The following KIAA0586 variants were observed in gnomAD, a reference collection of about 807,000 sequenced individuals.
KIAA0586 encodes protein TALPID3.
Under a neutral mutation model 169.8 loss-of-function variants are expected in KIAA0586, and 144 were observed. The observed-to-expected ratio is 0.85, with a 90% CI of 0.74 to 0.97. The LOEUF (loss-of-function observed/expected upper bound fraction) is 0.97. Ranked by LOEUF, KIAA0586 falls within the 50% of genes least tolerant of loss-of-function variation. KIAA0586 has a pLI of 0.00. For missense variants in KIAA0586, 1,854 were observed against 1,823.0 expected (o/e 1.02, Z -0.31); for synonymous variants, 625 against 612.4 (o/e 1.02, Z -0.30).
intron 21 of KIAA0586, 106 bp downstream of exon 21, chr14:58,482,818 T>C (rs1181030953): frequency 2.4e-6 from 2 of 818,608 alleles, no homozygotes; most frequent in Middle Eastern, 2.6e-4. Context: ...TTATCATTTT[T>C]AGAGACATGG....
intron 19 of KIAA0586, among the ~76,000 whole-genome samples, chr14:58,476,667 A>ATTTT (rs2041650790): frequency 2.1e-5 from 1 of 48,748 alleles, no homozygotes. Context: ...CTTCAGAGGT[A>ATTTT]CTTTTTTTTT....
chr14:58,531,182 C>T (rs557015586), intron 29 of KIAA0586, among the ~76,000 whole-genome samples: 69 of 151,114 alleles, frequency 4.6e-4, no homozygotes, highest in African/African-American at 1.6e-3. Flanking sequence ...AAAAAATTAG[C>T]CGGGCATGGT....
intron 30 of KIAA0586, 97 bp from the exon 31 acceptor site, chr14:58,547,684 G>GGCCCCC: frequency 8.4e-6 from 8 of 946,958 alleles, no homozygotes; most frequent in Admixed American, 2.2e-5. Context: ...TGGAATCCGC[G>GGCCCCC]CCCCCCCACC....
At chr14:58,525,194 G>C (rs577512472) in intron 29 of KIAA0586, among the ~76,000 whole-genome samples, 24 of 152,100 alleles carry the variant, frequency 1.6e-4, no homozygotes, top group African/African-American at 5.5e-4. Flanking sequence ...GATAAATTAA[G>C]TTTCAACAAA....
At chr14:58,524,411 A>G (rs1292312961) in intron 29 of KIAA0586, among the ~76,000 whole-genome samples, 1 of 152,200 alleles carries the variant, frequency 6.6e-6, no homozygotes, top group Non-Finnish European at 1.5e-5. Flanking sequence ...CTCCGGGAGT[A>G]TTTATTAATA....
chr14:58,553,207 T>G (rs1157183428), downstream of KIAA0586, among the ~76,000 whole-genome samples: 2 of 152,200 alleles, frequency 1.3e-5, no homozygotes, highest in East Asian at 1.9e-4. Flanking sequence ...AGTCTAGAGA[T>G]ATTTGTGGTA....
intron 29 of KIAA0586, among the ~76,000 whole-genome samples, chr14:58,525,726 C>T (rs557277225): frequency 4.6e-5 from 7 of 152,264 alleles, no homozygotes; most frequent in East Asian, 1.9e-4. Flanking sequence ...TTGCTCCCCT[C>T]GAAACAGGGC....
rs1325303478 is a variant in KIAA0586 at position 58,484,959 on chromosome 14, A to C, written c.3145-2048A>C. Among the ~76,000 whole-genome samples, 5 of 45,562 alleles carry C rather than the reference A, an allele frequency of 1.1e-4. No homozygotes were observed. The South Asian group carries it at 4.5e-3, about 41-fold the overall frequency. 29.9% of individuals were successfully genotyped at this position (45,562 alleles called of 152,430 possible). On this transcript the variant is annotated intron_variant, in intron 21 of 30. Transcript: ENST00000652326. ...TTTTTTTTTTTTTTTTTTGAGATGG[A>C]GTTTTGCTCATGTCGCCCAGGCTGG...
chr14:58,561,521 G>A, the KIAA0586 span, among the ~76,000 whole-genome samples: 1 of 152,128 alleles, frequency 6.6e-6, no homozygotes, highest in Non-Finnish European at 1.5e-5. Context: ...AACAAGATAA[G>A]AGAACATCTA....
intron 27 of KIAA0586, among the ~76,000 whole-genome samples, chr14:58,500,805 G>T (rs2043517174): frequency 6.6e-6 from 1 of 152,044 alleles, no homozygotes; most frequent in Non-Finnish European, 1.5e-5. Flanking sequence ...CAAAAAAAAG[G>T]GGATGAAATC....
rs900689279 is a variant in KIAA0586 at position 58,461,150 on chromosome 14, A to T, written c.2049A>T (p.Glu683Asp). Reference sequence around the variant, plus strand: ...GACCACAGAGACCAAAAGTAATAGAACGAGTTAAAGGTAAGGAATCTCATT... The same window carrying T: ...GACCACAGAGACCAAAAGTAATAGATCGAGTTAAAGGTAAGGAATCTCATT... Reference protein sequence around the residue: ...KSRPQRPKVIERVKGTKVKSI... With the variant: ...KSRPQRPKVIDRVKGTKVKSI... The change falls in exon 14 of 31, where the codon GAA becomes GAT. Residue 683 changes from glutamate to aspartate, a missense_variant. Transcript: ENST00000652326. The T allele has an allele frequency of 3.8e-6, 6 of 1,580,796 alleles. No individual in the cohort carries two copies. The highest frequency in any genetic ancestry group is 5.1e-6 in the Non-Finnish European group (6 of 1,166,650).
intron 8 of KIAA0586, among the ~76,000 whole-genome samples, chr14:58,452,897 G>T (rs1211264057): frequency 2.0e-5 from 3 of 151,062 alleles, no homozygotes; most frequent in African/African-American, 7.3e-5. Flanking sequence ...GGCCTAAATT[G>T]TAGGCTACTT....
At chr14:58,553,288 T>C (rs1304418771), downstream of KIAA0586, among the ~76,000 whole-genome samples, 1 of 152,138 alleles carries the variant, frequency 6.6e-6, no homozygotes, top group African/African-American at 2.4e-5. Context: ...TAAGCAGAGG[T>C]ATTCCTATGA....
chr14:58,557,008 G>A, the KIAA0586 span, among the ~76,000 whole-genome samples: 2 of 152,204 alleles, frequency 1.3e-5, no homozygotes, highest in South Asian at 2.1e-4. Flanking sequence ...GCCTCCCAAA[G>A]TGCTGGGATT....
intron 8 of KIAA0586, 139 bp from the exon 9 acceptor site, chr14:58,453,211 G>A (rs1038312289): frequency 3.2e-5 from 14 of 436,782 alleles, no homozygotes; most frequent in African/African-American, 1.1e-4. Flanking sequence ...GAGCCACTGC[G>A]CCTGGCTTTT....
chr14:58,538,989 A>C (rs2046473310), intron 29 of KIAA0586, among the ~76,000 whole-genome samples: 1 of 152,166 alleles, frequency 6.6e-6, no homozygotes. Context: ...CATTTTGCCC[A>C]GGCTGGTCTT....
rs2045633953 is a variant in KIAA0586 at position 58,527,001 on chromosome 14, A to G, written c.4430-13070A>G. ...CTAACTAGAATCACCAGTTTAGAGA[A>G]GAACATAAATGACCTGATGGAGCTG... On this transcript the variant is annotated intron_variant, in intron 29 of 30. Coordinates refer to ENST00000652326, the MANE Select transcript of KIAA0586 (RefSeq NM_001329943.3). Among the ~76,000 whole-genome samples the G allele has an allele frequency of 2.0e-5, 3 of 152,156 alleles. No homozygotes were observed. The South Asian group carries it at 6.2e-4, about 32-fold the overall frequency.
upstream of KIAA0586, chr14:58,427,520 A>G (rs2140364356): frequency 6.9e-7 from 1 of 1,450,132 alleles, no homozygotes; most frequent in African/African-American, 1.4e-5. Flanking sequence ...TTGTGCGGCA[A>G]TGTGCTACCT....
At position 58,427,743 on chromosome 14, in the gene KIAA0586, C is replaced by T. The variant is rs935533533; in HGVS notation, c.-522C>T. 44 of 1,533,290 alleles carry T rather than the reference C, an allele frequency of 2.9e-5. No individual in the cohort carries two copies. The Admixed American group carries it at 3.5e-4, about 12-fold the overall frequency. 95.0% of individuals were successfully genotyped at this position (1,533,290 alleles called of 1,614,324 possible). A position where few individuals can be genotyped will look rare whatever the true frequency, so the allele number is the denominator to read the frequency against. ...CGCTGTTGTCAGATTACACCCACGA[C>T]GGTGCGGGTCTCGGGCGTTCTGGAG... On this transcript the variant is annotated 5_prime_UTR_variant, in exon 1 of 31. In the 5' UTR this introduces an upstream ATG that the reference lacks. Transcript: ENST00000652326.
Sources: gnomAD v4.1 joint callset for allele counts (sites outside exome capture counted in the v4.1 genomes callset) on GRCh38, gnomAD v4.1.1 for gene constraint, MANE v1.5 for transcripts, NCBI Gene and HGNC (gene_info 2026-07-23, HGNC 2026-07-21) for gene names.